Variants in PARD3B observed in about 807,000 individuals in gnomAD.
PARD3B encodes partitioning defective 3 homolog B.
PARD3B carries 103 observed loss-of-function variants against 130.2 expected under a neutral mutation model. The observed-to-expected ratio is 0.79, with a 90% CI of 0.67 to 0.93. The LOEUF is 0.93. Ranked by LOEUF, PARD3B falls within the 40% of genes least tolerant of loss-of-function variation. The pLI is 0.00. For missense variants in PARD3B, 1,609 were observed against 1,499.2 expected (o/e 1.07, Z -1.21); for synonymous variants, 583 against 553.2 (o/e 1.05, Z -0.76).
intron 21 of PARD3B, among the ~76,000 whole-genome samples, chr2:205,509,410 G>A (rs936742771): frequency 2.0e-5 from 3 of 151,822 alleles, no homozygotes; most frequent in African/African-American, 7.3e-5. Context: ...CCCATCTACC[G>A]GTCTTTAAGT....
chr2:204,825,839 T>C (rs1000374789), intron 2 of PARD3B, among the ~76,000 whole-genome samples: 1 of 152,184 alleles, frequency 6.6e-6, no homozygotes, highest in African/African-American at 2.4e-5. Flanking sequence ...GAGTAATTGG[T>C]TTCTTCAATT....
chr2:205,205,460 T>G lies in PARD3B; in HGVS notation c.2140+12140T>G, dbSNP rs938653985. ...ATTTTTTTCTCTTGCCTGATTGCCC[T>G]GGCCAGAACTTCCAATACTATGTTA... On this transcript the variant is annotated intron_variant, in intron 15 of 22. Transcript: ENST00000406610. 2.6e-5 allele frequency among the ~76,000 whole-genome samples: 4 copies of G among 152,194 alleles called. No homozygotes were observed. The South Asian group carries it at 6.2e-4, about 24-fold the overall frequency.
At chr2:204,829,309 G>T (rs2043715788) in intron 2 of PARD3B, among the ~76,000 whole-genome samples, 1 of 152,102 alleles carries the variant, frequency 6.6e-6, no homozygotes, top group African/African-American at 2.4e-5. Flanking sequence ...ATGTAAAGTG[G>T]CATTATCCCA....
chr2:204,830,611 A>C (rs1354089187), intron 2 of PARD3B, among the ~76,000 whole-genome samples: 4 of 152,216 alleles, frequency 2.6e-5, no homozygotes, highest in South Asian at 4.1e-4. Context: ...TTAAAGATTC[A>C]GACTAAGAAA....
At chr2:205,504,358 A>G (rs1178510088) in intron 21 of PARD3B, among the ~76,000 whole-genome samples, 1 of 152,214 alleles carries the variant, frequency 6.6e-6, no homozygotes, top group Non-Finnish European at 1.5e-5. Flanking sequence ...CTAAAACACC[A>G]AAAGCAATGG....
intron 2 of PARD3B, among the ~76,000 whole-genome samples, chr2:204,752,322 T>C (rs2040497076): frequency 1.3e-5 from 2 of 152,140 alleles, no homozygotes; most frequent in Non-Finnish European, 2.9e-5. Flanking sequence ...GATGATTAAA[T>C]GGTATAATAA....
At chr2:205,027,529 A>AT (rs912570204) in intron 3 of PARD3B, among the ~76,000 whole-genome samples, 24 of 150,576 alleles carry the variant, frequency 1.6e-4, no homozygotes, top group South Asian at 6.3e-4. Flanking sequence ...CATTTTGTGG[A>AT]TTTTTTTTTC....
intron 18 of PARD3B, among the ~76,000 whole-genome samples, chr2:205,360,687 T>C (rs897111137): frequency 6.6e-6 from 1 of 152,162 alleles, no homozygotes; most frequent in South Asian, 2.1e-4. Context: ...GCATGGGCTC[T>C]GGGGCTGAAC....
chr2:204,809,574 G>A (rs2042892550), intron 2 of PARD3B, among the ~76,000 whole-genome samples: 1 of 152,016 alleles, frequency 6.6e-6, no homozygotes, highest in South Asian at 2.1e-4. Flanking sequence ...TATTTCTGGG[G>A]TCTCTGTTCT....
At chr2:204,950,979 G>C (rs1046350065) in intron 2 of PARD3B, among the ~76,000 whole-genome samples, 1 of 152,138 alleles carries the variant, frequency 6.6e-6, no homozygotes, top group Non-Finnish European at 1.5e-5. Context: ...CTACTAAGGG[G>C]ACTAGAGATT....
At position 205,473,908 on chromosome 2, in the gene PARD3B, T is replaced by G. The variant is rs1466838333; in HGVS notation, c.3045-25988T>G. On this transcript the variant is annotated intron_variant, in intron 20 of 22. Coordinates refer to ENST00000406610, the MANE Select transcript of PARD3B (RefSeq NM_001302769.2). The surrounding 1 kb of genome is among the most constrained non-coding windows in gnomAD (Gnocchi z 4.9). ...TGCAAGCTTGATCTTCAACCTCACTTATGTCCCCATGACAACCTTTCTTGC... is the reference window on the plus strand; with the variant it reads ...TGCAAGCTTGATCTTCAACCTCACTGATGTCCCCATGACAACCTTTCTTGC... Among the ~76,000 whole-genome samples, 1 of 139,636 alleles carries G rather than the reference T, an allele frequency of 7.2e-6. No individual in the cohort carries two copies. The highest frequency in any genetic ancestry group is 3.3e-5 in the African/African-American group (1 of 30,560). The allele number at this position is 139,636 out of a possible 152,430, so 91.6% of individuals were successfully genotyped here.
Position 205,291,993 on chromosome 2 carries a change from C to T in PARD3B, c.2186-8537C>T, listed in dbSNP as rs2041625579. Among the ~76,000 whole-genome samples, 1 of 152,184 alleles carries T rather than the reference C, an allele frequency of 6.6e-6. No individual in the cohort carries two copies. The highest frequency in any genetic ancestry group is 2.4e-5 in the African/African-American group (1 of 41,452). On this transcript the variant is annotated intron_variant, in intron 16 of 22. Transcript: ENST00000406610. The surrounding 1 kb of genome is among the most constrained non-coding windows in gnomAD (Gnocchi z 4.6). ...AAGGGCCCTGGAGACAGAGTGGTGT[C>T]AAAGGAGGGGCTGCTGGTGCCCTCA... is the stretch of plus-strand genomic sequence containing the variant.
chr2:204,685,759 T>C (rs2037045706), intron 1 of PARD3B, among the ~76,000 whole-genome samples: 1 of 152,136 alleles, frequency 6.6e-6, no homozygotes, highest in Non-Finnish European at 1.5e-5. Context: ...GCTATTACCA[T>C]CACAGATTCT....
At chr2:205,071,738 C>T (rs1273226910) in intron 4 of PARD3B, among the ~76,000 whole-genome samples, 1 of 152,054 alleles carries the variant, frequency 6.6e-6, no homozygotes, top group South Asian at 2.1e-4. Context: ...TGTGTGTATA[C>T]AGAGATACAC....
chr2:205,300,648 G>A lies in PARD3B; in HGVS notation c.2304G>A (p.Arg768=). The stretch of plus-strand genomic sequence containing the variant: ...ATGACCTTCCCTTTCACAGGCCCCG[G>A]CCGCACATGGTTCGAGGCCGAGGCT... ...RKNDLPFHRP[R]PHMVRGRGCN... is the part of the protein sequence containing the mutation. Residue 768 remains arginine (R), a synonymous_variant, in exon 17 of 23, where the codon CGG becomes CGA. Transcript: ENST00000406610. The surrounding 1 kb of genome is among the most constrained non-coding windows in gnomAD (Gnocchi z 4.1). 1 of 1,613,960 alleles carries A rather than the reference G, an allele frequency of 6.2e-7. No homozygotes were observed. Among genetic ancestry groups the A allele is most frequent in the Non-Finnish European group, 8.5e-7 (1 of 1,180,016 alleles).
chr2:204,817,071 T>C (rs1326616452), intron 2 of PARD3B, among the ~76,000 whole-genome samples: 1 of 152,146 alleles, frequency 6.6e-6, no homozygotes, highest in African/African-American at 2.4e-5. Flanking sequence ...TAGAAGTTTG[T>C]TGGGCTCTTT....
Position 205,151,022 on chromosome 2 carries a change from G to A in PARD3B, c.1435-7700G>A, listed in dbSNP as rs145170584. Among the ~76,000 whole-genome samples the A allele has an allele frequency of 1.6e-3, 239 of 152,258 alleles. 2 individuals carry two copies. The East Asian group carries it at 0.028, about 18-fold the overall frequency. ...TCTCAACACACACACATACAAATTC[G>A]TAAGAATATAAGGTAATGCATATGT... On this transcript the variant is annotated intron_variant, in intron 10 of 22. Coordinates refer to ENST00000406610, the MANE Select transcript of PARD3B (RefSeq NM_001302769.2).
At chr2:204,609,179 A>G (rs1315673565) in intron 1 of PARD3B, among the ~76,000 whole-genome samples, 1 of 152,200 alleles carries the variant, frequency 6.6e-6, no homozygotes, top group Non-Finnish European at 1.5e-5. Context: ...TTTAAAATTA[A>G]GTCTTTGAGT....
At chr2:204,825,675 G>C (rs924725958) in intron 2 of PARD3B, among the ~76,000 whole-genome samples, 1 of 152,196 alleles carries the variant, frequency 6.6e-6, no homozygotes, top group African/African-American at 2.4e-5. Context: ...ACCAAGTTAG[G>C]TGAAATTCTA....
Sources: allele counts gnomAD v4.1 joint callset (sites outside exome capture counted in the v4.1 genomes callset), GRCh38; gene constraint gnomAD v4.1.1; non-coding constraint Gnocchi (gnomAD v3.1); transcripts MANE v1.5; gene names NCBI Gene and HGNC (gene_info 2026-07-23, HGNC 2026-07-21).